KIF13A: variants seen among roughly 807,000 people sequenced by gnomAD.
KIF13A encodes the protein kinesin-like protein KIF13A.
In KIF13A, 79 loss-of-function variants were observed where a neutral mutation model predicts 212.2. That is an observed-to-expected ratio of 0.37 (90% CI 0.31 to 0.45). The LOEUF (loss-of-function observed/expected upper bound fraction) is 0.45, where lower values mean the gene tolerates loss of function less well. Among genes scored for constraint, KIF13A ranks in the 20% least tolerant of loss-of-function variants. KIF13A has a pLI of 1.00. For synonymous variants in KIF13A, 789 were observed against 808.6 expected (o/e 0.98, Z 0.41); for missense variants, 1,901 against 2,209.0 (o/e 0.86, Z 2.79).
chr6:17,969,084 C>G (rs377626209), intron 2 of KIF13A, among the ~76,000 whole-genome samples: 1 of 152,194 alleles, frequency 6.6e-6, no homozygotes, highest in African/African-American at 2.4e-5. Context: ...AATGAAACAT[C>G]CAAGGCACTT....
Position 17,777,248 on chromosome 6 carries a change from G to C in KIF13A, c.4170+29C>G, listed in dbSNP as rs1416709336. On this transcript the variant is annotated intron_variant, in intron 34 of 38. Coordinates refer to ENST00000259711, the MANE Select transcript of KIF13A (RefSeq NM_022113.6). The surrounding 1 kb of genome is among the most constrained non-coding windows in gnomAD (Gnocchi z 4.4). ...CCCAGAGGCTGCGACATGTCACATAGGAGCAGATCCTTGGCAGGATGCACT... is the reference window on the plus strand; with the variant it reads ...CCCAGAGGCTGCGACATGTCACATACGAGCAGATCCTTGGCAGGATGCACT... 6.4e-7 allele frequency: 1 copy of C among 1,568,110 alleles called. No homozygotes were observed. The highest frequency in any genetic ancestry group is 1.1e-5 in the South Asian group (1 of 87,964).
Position 17,779,061 on chromosome 6 carries a change from G to T in KIF13A, c.3978C>A (p.Leu1326=), listed in dbSNP as rs1396413525. Residue 1326 remains leucine, a synonymous_variant, in exon 33 of 39, where the codon CTC becomes CTA. Transcript: ENST00000259711. ...EEIEDRETLA[L]LAARSENEGT... ...CTTCGTTTTCACTCCTTGCTGCCAGGAGAGCCAGCGTTTCCCGGTCCTCTA... is the reference window on the plus strand; with the variant it reads ...CTTCGTTTTCACTCCTTGCTGCCAGTAGAGCCAGCGTTTCCCGGTCCTCTA... 6.2e-7 allele frequency: 1 copy of T among 1,613,480 alleles called. No homozygotes were observed. Among genetic ancestry groups the T allele is most frequent in the Non-Finnish European group, 8.5e-7 (1 of 1,179,806 alleles).
chr6:17,937,746 G>GTT (rs11401933), intron 2 of KIF13A, among the ~76,000 whole-genome samples: 1,542 of 135,332 alleles, frequency 0.011, 15 homozygotes, highest in Middle Eastern at 0.031. Flanking sequence ...TTCCTTTTTT[G>GTT]TTTTTTTTTT....
chr6:17,975,209 C>T (rs1780228396), intron 2 of KIF13A, among the ~76,000 whole-genome samples: 1 of 152,100 alleles, frequency 6.6e-6, no homozygotes, highest in African/African-American at 2.4e-5. Flanking sequence ...AAAAAACTAG[C>T]AGGCGGGGTG....
At chr6:17,983,767 T>C (rs1488427933) in intron 2 of KIF13A, among the ~76,000 whole-genome samples, 1 of 152,078 alleles carries the variant, frequency 6.6e-6, no homozygotes, top group Non-Finnish European at 1.5e-5. Flanking sequence ...GGATTACAGG[T>C]GTGAGCTACC....
At position 17,947,848 on chromosome 6, in the gene KIF13A, AAAAG is replaced by A. The variant is rs1299143457; in HGVS notation, c.146+39202_146+39205del. Among the ~76,000 whole-genome samples the A allele has an allele frequency of 1.2e-4, 18 of 152,352 alleles. No individual in the cohort carries two copies. The highest frequency in any genetic ancestry group is 3.3e-4 in the Admixed American group (5 of 15,300). On this transcript the variant is annotated intron_variant, in intron 2 of 38. Transcript: ENST00000259711. The surrounding 1 kb of genome is among the most constrained non-coding windows in gnomAD (Gnocchi z 4.6). ...AAGAGCAAAACTCTGCTCAAAAAAAAAAAGAAAGCACACCAAGTATTAAGGGCTA... is the reference window on the plus strand; with the variant it reads ...AAGAGCAAAACTCTGCTCAAAAAAAAAAAGCACACCAAGTATTAAGGGCTA...
At position 17,764,416 on chromosome 6, in the gene KIF13A, G is replaced by T; in HGVS notation, c.5112C>A (p.Ala1704=). 2 of 1,614,030 alleles carry T rather than the reference G, an allele frequency of 1.2e-6. No individual in the cohort carries two copies. The highest frequency in any genetic ancestry group is 1.7e-6 in the Non-Finnish European group (2 of 1,179,894). The part of the protein sequence containing the change: ...CRTGSCSELD[A]CPSKISQPAR... Reference sequence around the variant, plus strand: ...CTGGCTGGCTAATTTTGCTGGGGCAGGCATCTAGTTCTGAACATGAGCCAG... The same window carrying T: ...CTGGCTGGCTAATTTTGCTGGGGCATGCATCTAGTTCTGAACATGAGCCAG... The change falls in exon 39 of 39, where the codon GCC becomes GCA. Residue 1704 remains alanine (A), a synonymous_variant. Coordinates refer to ENST00000259711, the MANE Select transcript of KIF13A (RefSeq NM_022113.6). The surrounding 1 kb of genome is among the most constrained non-coding windows in gnomAD (Gnocchi z 5.1).
In KIF13A at chr6:17,914,188, A is replaced by G. The variant is rs531262069; in HGVS notation, c.147-16008T>C. ...GTTAGAAGGCAAATCTCAAGTACCC[A>G]TTACTAAATGCCAGAATAAGTGAAA... On this transcript the variant is annotated intron_variant, in intron 2 of 38. Coordinates refer to ENST00000259711, the MANE Select transcript of KIF13A (RefSeq NM_022113.6). The surrounding 1 kb of genome is among the most constrained non-coding windows in gnomAD (Gnocchi z 5.9). Among the ~76,000 whole-genome samples the G allele has an allele frequency of 3.9e-5, 6 of 152,372 alleles. No homozygotes were observed. The South Asian group carries it at 1.2e-3, about 32-fold the overall frequency.
chr6:17,889,384 TAAAAC>T (rs1197505499), intron 3 of KIF13A, among the ~76,000 whole-genome samples: 2 of 152,024 alleles, frequency 1.3e-5, no homozygotes, highest in Non-Finnish European at 2.9e-5. Flanking sequence ...AACTCATAAA[TAAAAC>T]AAAAAACACC....
intron 2 of KIF13A, among the ~76,000 whole-genome samples, chr6:17,986,488 C>G (rs1781560720): frequency 6.6e-6 from 1 of 152,086 alleles, no homozygotes; most frequent in Non-Finnish European, 1.5e-5. Flanking sequence ...AAAATTCGCG[C>G]ATTACATTGA....
intron 3 of KIF13A, chr6:17,882,201 T>C: frequency 2.5e-6 from 1 of 397,522 alleles, no homozygotes; most frequent in Non-Finnish European, 5.1e-6. Context: ...TGCAAAATGG[T>C]CAATCTGGAA....
In KIF13A at chr6:17,796,743, G is replaced by A. The variant is rs200147623; in HGVS notation, c.2868C>T (p.His956=). The stretch of plus-strand genomic sequence containing the variant: ...TGGAGCTGCCATTTCCAGCACACCG[G>A]TGGCCCCATACTTCAATGGCCAGTG... ...DGALAIEVWG[H]RCAGNGSSIW... is the part of the protein sequence containing the mutation. Residue 956 remains histidine, a synonymous_variant, in exon 23 of 39, where the codon CAC becomes CAT. Transcript: ENST00000259711. 1.3e-4 allele frequency: 209 copies of A among 1,593,508 alleles called. No individual in the cohort carries two copies. Among genetic ancestry groups the A allele is most frequent in the Non-Finnish European group, 1.7e-4 (200 of 1,169,262 alleles).
chr6:17,848,411 C>T (rs1361893301), intron 9 of KIF13A, among the ~76,000 whole-genome samples: 3 of 152,104 alleles, frequency 2.0e-5, no homozygotes, highest in Admixed American at 1.3e-4. Flanking sequence ...CCCCTGGCCT[C>T]CCCTTTCCAG....
intron 2 of KIF13A, among the ~76,000 whole-genome samples, chr6:17,965,914 G>A (rs977717342): frequency 2.3e-4 from 35 of 152,266 alleles, no homozygotes; most frequent in African/African-American, 7.9e-4. Context: ...GGTGGTTCAC[G>A]CCTGTAATCC....
intron 3 of KIF13A, among the ~76,000 whole-genome samples, chr6:17,884,655 G>A (rs1771378983): frequency 6.6e-6 from 1 of 152,174 alleles, no homozygotes; most frequent in Non-Finnish European, 1.5e-5. Flanking sequence ...AAATCAAAAG[G>A]GCTTCCCTTG....
At chr6:17,930,573 G>A (rs549262067) in intron 2 of KIF13A, among the ~76,000 whole-genome samples, 1 of 152,342 alleles carries the variant, frequency 6.6e-6, no homozygotes, top group South Asian at 2.1e-4. Context: ...AGGCTGAGTG[G>A]TACTGCCAAA....
At chr6:17,802,921 G>T (rs867142087) in intron 20 of KIF13A, among the ~76,000 whole-genome samples, 188 of 87,326 alleles carry the variant, frequency 2.2e-3, no homozygotes, top group African/African-American at 5.2e-3. Flanking sequence ...TAATTTTTTT[G>T]TGTTTTTTTT....
chr6:17,769,584 T>C lies in KIF13A; in HGVS notation c.4581+1530A>G, dbSNP rs552453489. The stretch of plus-strand genomic sequence containing the variant: ...AACACGAGCCTAGCTCTGTGAACTG[T>C]GAAACTATCTGCTGAACACCCCAGA... On this transcript the variant is annotated intron_variant, in intron 38 of 38. Transcript: ENST00000259711. The surrounding 1 kb of genome is among the most constrained non-coding windows in gnomAD (Gnocchi z 5.8). Among the ~76,000 whole-genome samples the C allele has an allele frequency of 6.6e-6, 1 of 152,286 alleles. No homozygotes were observed. The highest frequency in any genetic ancestry group is 2.1e-4 in the South Asian group (1 of 4,822).
rs71002278 is a variant in KIF13A, at chr6:17,868,989, C to CAAAAAAAA, written c.220+4380_220+4387dup. Among the ~76,000 whole-genome samples the CAAAAAAAA allele has an allele frequency of 2.4e-3, 50 of 20,920 alleles. 2 individuals are homozygous for CAAAAAAAA. The highest frequency in any genetic ancestry group is 6.0e-3 in the South Asian group (1 of 168). The allele number at this position is 20,920 out of a possible 152,430, so 13.7% of individuals were successfully genotyped here. On this transcript the variant is annotated intron_variant, in intron 4 of 38. Transcript: ENST00000259711. ...TGGGCGACAGAGGGAGACTCCCTCT[C>CAAAAAAAA]AAAAAAAAAAAAAAAAAAAAAAAAA...
Sources: gnomAD v4.1 joint callset for allele counts (sites outside exome capture counted in the v4.1 genomes callset) on GRCh38, gnomAD v4.1.1 for gene constraint, Gnocchi (gnomAD v3.1) non-coding constraint, MANE v1.5 for transcripts, NCBI Gene and HGNC (gene_info 2026-07-23, HGNC 2026-07-21) for gene names.